Variants in AGMO observed in about 807,000 individuals in gnomAD.
AGMO encodes the protein alkylglycerol monooxygenase, also known as glyceryl-ether monooxygenase.
A neutral mutation model predicts 60.2 loss-of-function variants in AGMO; 75 were observed. The ratio of observed to expected loss-of-function variants is 1.25; its 90% CI spans 1.03 to 1.51. AGMO has a LOEUF of 1.51. Among genes scored for constraint, AGMO ranks in the 40% most tolerant of loss-of-function variants. AGMO has a pLI of 0.00. For synonymous variants in AGMO, 261 were observed against 177.1 expected, an observed-to-expected ratio of 1.47 and a Z score of -3.76; for missense variants, 763 against 525.5, an observed-to-expected ratio of 1.45 and a Z score of -4.42.
intron 5 of AGMO, among the ~76,000 whole-genome samples, chr7:15,413,057 G>C (rs1191709412): frequency 4.6e-5 from 7 of 152,062 alleles, no homozygotes. Flanking sequence ...GGAATTAGCA[G>C]ACAAGAATTT....
chr7:15,484,090 T>C (rs913557517), intron 3 of AGMO, among the ~76,000 whole-genome samples: 1 of 152,120 alleles, frequency 6.6e-6, no homozygotes, highest in Non-Finnish European at 1.5e-5. Context: ...AGTTCTAATA[T>C]ACGAAGATAT....
chr7:15,246,628 G>C (rs1782750671), intron 12 of AGMO, among the ~76,000 whole-genome samples: 1 of 151,594 alleles, frequency 6.6e-6, no homozygotes, highest in South Asian at 2.1e-4. Flanking sequence ...GTCTTCAGTT[G>C]ATGATTCCTC....
chr7:15,429,618 G>T (rs1781171016), intron 4 of AGMO, among the ~76,000 whole-genome samples: 1 of 151,934 alleles, frequency 6.6e-6, no homozygotes, highest in African/African-American at 2.4e-5. Context: ...TCTAGAAAAA[G>T]AATACAAGCG....
chr7:15,314,826 G>T (rs1398699086), intron 12 of AGMO, among the ~76,000 whole-genome samples: 1 of 151,774 alleles, frequency 6.6e-6, no homozygotes, highest in Non-Finnish European at 1.5e-5. Flanking sequence ...CTTATCAACT[G>T]AGCCATCAAA....
intron 3 of AGMO, among the ~76,000 whole-genome samples, chr7:15,531,057 AT>A (rs1784311580): frequency 9.4e-6 from 1 of 105,850 alleles, no homozygotes; most frequent in African/African-American, 3.8e-5. Flanking sequence ...TTCTATATAT[AT>A]TCTGTATATA....
At chr7:15,272,947 T>C (rs1201083029) in intron 12 of AGMO, among the ~76,000 whole-genome samples, 1 of 152,210 alleles carries the variant, frequency 6.6e-6, no homozygotes, top group Non-Finnish European at 1.5e-5. Context: ...TCGAGAAGTG[T>C]CTGTTCATAT....
At chr7:15,490,512 T>C (rs1316485456) in intron 3 of AGMO, among the ~76,000 whole-genome samples, 1 of 151,954 alleles carries the variant, frequency 6.6e-6, no homozygotes, top group Non-Finnish European at 1.5e-5. Flanking sequence ...CCCACTCTTC[T>C]TCCTTAAGTG....
At chr7:15,425,604 A>G (rs112813491) in intron 4 of AGMO, among the ~76,000 whole-genome samples, 1,821 of 151,794 alleles carry the variant, frequency 0.012, 31 homozygotes, top group African/African-American at 0.04. Flanking sequence ...ACACCCGACT[A>G]ATTTATTTTA....
chr7:15,401,065 T>A (rs964850838), intron 5 of AGMO, among the ~76,000 whole-genome samples: 2 of 152,120 alleles, frequency 1.3e-5, no homozygotes, highest in African/African-American at 2.4e-5. Context: ...GTACATGTGA[T>A]AAATTAATTA....
intron 4 of AGMO, among the ~76,000 whole-genome samples, chr7:15,428,836 T>C (rs193069434): frequency 2.9e-4 from 44 of 152,196 alleles, no homozygotes; most frequent in African/African-American, 9.9e-4. Flanking sequence ...AAAATGCAAC[T>C]ACTGGAGATT....
At chr7:15,396,002 CCAT>C (rs758439264) in intron 5 of AGMO, 35 of 152,248 alleles carry the variant, frequency 2.3e-4, no homozygotes, top group African/African-American at 4.1e-4. Flanking sequence ...GGGACAGGAG[CCAT>C]CATCATCATC....
At chr7:15,492,660 A>T (rs1249333171) in intron 3 of AGMO, among the ~76,000 whole-genome samples, 2 of 152,066 alleles carry the variant, frequency 1.3e-5, no homozygotes, top group Non-Finnish European at 2.9e-5. Context: ...GTCAGTGAAG[A>T]CAGAAACCTT....
chr7:15,215,717 A>T (rs1583298187), intron 12 of AGMO, among the ~76,000 whole-genome samples: 1 of 152,088 alleles, frequency 6.6e-6, no homozygotes, highest in Non-Finnish European at 1.5e-5. Context: ...GAAACAGTGC[A>T]GCAGGAGCTC....
intron 12 of AGMO, among the ~76,000 whole-genome samples, chr7:15,364,671 T>A (rs980135097): frequency 1.4e-4 from 22 of 152,066 alleles, no homozygotes; most frequent in Non-Finnish European, 2.2e-4. Context: ...GGTATGTGTA[T>A]TTGCAATTTT....
chr7:15,414,427 G>A (rs1450672016), intron 5 of AGMO, among the ~76,000 whole-genome samples: 1 of 151,398 alleles, frequency 6.6e-6, no homozygotes, highest in Non-Finnish European at 1.5e-5. Context: ...ATTAATTCAA[G>A]GTAAGATATG....
chr7:15,135,308 G>A, the AGMO span, among the ~76,000 whole-genome samples: 3 of 151,900 alleles, frequency 2.0e-5, no homozygotes, highest in African/African-American at 7.3e-5. Flanking sequence ...GGAAGCTATC[G>A]AAGCTGATCA....
At chr7:15,446,021 A>G (rs979225218) in intron 3 of AGMO, among the ~76,000 whole-genome samples, 2 of 152,332 alleles carry the variant, frequency 1.3e-5, no homozygotes, top group South Asian at 2.1e-4. Context: ...TGTTGAAAAC[A>G]TCTTATAATA....
In AGMO at chr7:15,387,354, C is replaced by G. The variant is rs1783957471; in HGVS notation, c.957+52G>C. The stretch of plus-strand genomic sequence containing the variant: ...GCGTATGTACAGGCTGGCTGTAGAC[C>G]TGACAATATGAGACAATCTTCACCA... On this transcript the variant is annotated intron_variant, in intron 9 of 12. Coordinates refer to ENST00000342526, the MANE Select transcript of AGMO (RefSeq NM_001004320.2). 4.4e-6 allele frequency: 7 copies of G among 1,589,418 alleles called. 1 individual carries two copies. In the Admixed American group the frequency reaches 8.9e-5, roughly 20 times the overall value.
chr7:15,539,414 A>T (rs543459437), intron 3 of AGMO, among the ~76,000 whole-genome samples: 2 of 152,104 alleles, frequency 1.3e-5, no homozygotes, highest in Admixed American at 6.5e-5. Flanking sequence ...TCTCTTCCTT[A>T]GTTTGTTTAG....
Sources: gnomAD v4.1 joint callset for allele counts (sites outside exome capture counted in the v4.1 genomes callset) on GRCh38, gnomAD v4.1.1 for gene constraint, MANE v1.5 for transcripts, NCBI Gene and HGNC (gene_info 2026-07-23, HGNC 2026-07-21) for gene names.